The following MAGI2 variants were observed in gnomAD, a reference collection of about 807,000 sequenced individuals.
MAGI2 encodes the protein membrane-associated guanylate kinase, WW and PDZ domain-containing protein 2.
MAGI2 carries 35 observed loss-of-function variants against 133.3 expected under a neutral mutation model. The observed-to-expected ratio is 0.26, with a 90% CI of 0.20 to 0.35. The LOEUF is 0.35. Ranked by LOEUF, MAGI2 falls within the 10% of genes least tolerant of loss-of-function variation. The probability of loss-of-function intolerance (pLI) is 1.00; values close to 1 mark genes in which losing one functional copy is unlikely to be tolerated. For missense variants in MAGI2, 1,636 were observed against 1,863.4 expected (o/e 0.88, Z 2.25); for synonymous variants, 729 against 710.6 (o/e 1.03, Z -0.41).
chr7:78,936,598 A>G (rs1800536829), intron 2 of MAGI2, among the ~76,000 whole-genome samples: 1 of 152,060 alleles, frequency 6.6e-6, no homozygotes, highest in Non-Finnish European at 1.5e-5. Context: ...AAATAACACT[A>G]TAGCCCATTC....
intron 9 of MAGI2, among the ~76,000 whole-genome samples, chr7:78,292,206 C>T (rs1187926242): frequency 2.6e-5 from 4 of 152,218 alleles, no homozygotes; most frequent in African/African-American, 9.6e-5. Flanking sequence ...CCCAAAACCT[C>T]CTTAAGCTGA....
chr7:78,837,049 CT>C (rs1455536837), intron 2 of MAGI2, among the ~76,000 whole-genome samples: 4 of 152,094 alleles, frequency 2.6e-5, no homozygotes, highest in Non-Finnish European at 4.4e-5. Context: ...TTCAAAATGC[CT>C]GTCTAAGGTG....
intron 10 of MAGI2, among the ~76,000 whole-genome samples, chr7:78,216,702 C>T (rs890828808): frequency 6.6e-6 from 1 of 152,212 alleles, no homozygotes; most frequent in African/African-American, 2.4e-5. Context: ...GGTAACTTCC[C>T]AGACTTGTCT....
At chr7:78,884,570 T>C (rs1327985315) in intron 2 of MAGI2, among the ~76,000 whole-genome samples, 1 of 151,932 alleles carries the variant, frequency 6.6e-6, no homozygotes, top group Non-Finnish European at 1.5e-5. Context: ...CATGAAAAAA[T>C]GCCCAACATC....
chr7:78,095,489 ATCTTTTCTCAGT>A (rs1393331917), intron 20 of MAGI2, among the ~76,000 whole-genome samples: 10 of 152,158 alleles, frequency 6.6e-5, no homozygotes, highest in African/African-American at 2.4e-4. Context: ...TCTCTTTTCT[ATCTTTTCTCAGT>A]TCTTTTCTGC....
chr7:78,640,903 T>C (rs1354203618), intron 2 of MAGI2, among the ~76,000 whole-genome samples: 2 of 152,194 alleles, frequency 1.3e-5, no homozygotes, highest in Non-Finnish European at 2.9e-5. Flanking sequence ...CCAAATCTCA[T>C]CTTGAATTGT....
chr7:78,853,642 C>T (rs1220819996), intron 2 of MAGI2, among the ~76,000 whole-genome samples: 1 of 152,048 alleles, frequency 6.6e-6, no homozygotes, highest in Admixed American at 6.6e-5. Flanking sequence ...GGGCGTAAGC[C>T]ACCATGTCTG....
chr7:78,069,792 C>T (rs779787433), intron 21 of MAGI2, among the ~76,000 whole-genome samples: 2 of 152,010 alleles, frequency 1.3e-5, no homozygotes, highest in Non-Finnish European at 2.9e-5. Context: ...AGACAGCTGC[C>T]TTTTCTCCTG....
intron 2 of MAGI2, among the ~76,000 whole-genome samples, chr7:78,905,473 A>G (rs1287068541): frequency 6.6e-6 from 1 of 152,208 alleles, no homozygotes; most frequent in Non-Finnish European, 1.5e-5. Flanking sequence ...AGGATGATTA[A>G]CTGGATAATG....
intron 6 of MAGI2, among the ~76,000 whole-genome samples, chr7:78,380,858 G>GCA (rs1261453763): frequency 1.3e-5 from 2 of 152,080 alleles, no homozygotes; most frequent in African/African-American, 4.8e-5. Context: ...ATAAATATAT[G>GCA]CACACACTGT....
chr7:78,872,465 TC>T (rs1444841362), intron 2 of MAGI2, among the ~76,000 whole-genome samples: 1 of 152,116 alleles, frequency 6.6e-6, no homozygotes. Flanking sequence ...CAACATACAT[TC>T]TTTGAATCTT....
At chr7:78,891,723 G>A (rs527877031) in intron 2 of MAGI2, among the ~76,000 whole-genome samples, 8 of 152,186 alleles carry the variant, frequency 5.3e-5, no homozygotes, top group Non-Finnish European at 7.4e-5. Flanking sequence ...CTGATGGGAC[G>A]TATTTCAAAA....
chr7:78,565,793 A>C (rs1028470134), intron 3 of MAGI2, among the ~76,000 whole-genome samples: 15 of 152,164 alleles, frequency 9.9e-5, no homozygotes, highest in African/African-American at 3.4e-4. Context: ...TCCAATTTTG[A>C]ATTAAGAAAA....
rs117575218 is a variant in MAGI2 at position 78,581,270 on chromosome 7, A to G, written c.538+45850T>C. ...CCTCAAGGGTGTCTGGCCTTCTTCA[A>G]CCAAAGGAAGCAAAGACCTACCTCT... On this transcript the variant is annotated intron_variant, in intron 3 of 21. Transcript: ENST00000354212. 8.2e-3 allele frequency among the ~76,000 whole-genome samples: 1,245 copies of G among 152,320 alleles called. 11 individuals carry two copies. The highest frequency in any genetic ancestry group is 0.013 in the Non-Finnish European group (878 of 68,022).
At chr7:79,375,285 T>C (rs1267220950) in intron 1 of MAGI2, among the ~76,000 whole-genome samples, 3 of 151,946 alleles carry the variant, frequency 2.0e-5, no homozygotes, top group African/African-American at 7.2e-5. Context: ...ATTAGGTCTC[T>C]AGATTGTGCA....
chr7:78,526,046 C>T (rs759839160), intron 3 of MAGI2, among the ~76,000 whole-genome samples: 1 of 152,164 alleles, frequency 6.6e-6, no homozygotes, highest in Non-Finnish European at 1.5e-5. Context: ...TCTGCCTATG[C>T]AGTTAAGAAA....
intron 20 of MAGI2, among the ~76,000 whole-genome samples, chr7:78,083,841 C>T (rs150561203): frequency 1.6e-3 from 242 of 152,270 alleles, no homozygotes; most frequent in African/African-American, 5.5e-3. Context: ...AGAAGGCAAA[C>T]ATCTCATAAT....
chr7:78,656,429 G>A lies in MAGI2; in HGVS notation c.419-29190C>T, dbSNP rs139115709. ...GAGGACATTATGCTAAGTGAAATAA[G>A]CCACACACAGAAAGAAAATTACTAC... On this transcript the variant is annotated intron_variant, in intron 2 of 21. Transcript: ENST00000354212. 3.4e-3 allele frequency among the ~76,000 whole-genome samples: 517 copies of A among 152,204 alleles called. 3 individuals are homozygous for A. Among genetic ancestry groups the A allele is most frequent in the African/African-American group, 0.012 (491 of 41,544 alleles).
chr7:78,972,592 C>T (rs1803881372), intron 2 of MAGI2, among the ~76,000 whole-genome samples: 1 of 151,700 alleles, frequency 6.6e-6, no homozygotes, highest in Non-Finnish European at 1.5e-5. Flanking sequence ...AGGTAGATTT[C>T]ATAGTAATTA....
Sources: allele counts gnomAD v4.1 joint callset (sites outside exome capture counted in the v4.1 genomes callset), GRCh38; gene constraint gnomAD v4.1.1; transcripts MANE v1.5; gene names NCBI Gene and HGNC (gene_info 2026-07-23, HGNC 2026-07-21).